TMEM184B: variants seen among roughly 807,000 people sequenced by gnomAD.
TMEM184B encodes putative MAPK-activating protein FM08.
Under a neutral mutation model 41.8 loss-of-function variants are expected in TMEM184B, and 17 were observed. That is an observed-to-expected ratio of 0.41 (90% CI 0.28 to 0.61). The LOEUF is 0.61. Among genes scored for constraint, TMEM184B ranks in the 20% least tolerant of loss-of-function variants. The pLI is 0.34. For synonymous variants in TMEM184B, 240 were observed against 229.5 expected, an observed-to-expected ratio of 1.05 and a Z score of -0.41; for missense variants, 393 against 557.8, an observed-to-expected ratio of 0.70 and a Z score of 2.98.
In TMEM184B at chr22:38,224,810, A is replaced by G; in HGVS notation, c.957T>C (p.Tyr319=). The stretch of plus-strand genomic sequence containing the variant: ...CTTGTGCGTCCAGCCTCTTGTCAGC[A>G]TAGACCTTGTAGGTGAAGGCGTGCC... ...ALRHAFTYKV[Y]ADKRLDAQGR... Residue 319 remains tyrosine, a synonymous_variant, in exon 8 of 9, where the codon TAT becomes TAC. Transcript: ENST00000361906. The G allele has an allele frequency of 1.2e-6, 2 of 1,611,944 alleles. No homozygotes were observed. Among genetic ancestry groups the G allele is most frequent in the South Asian group, 1.1e-5 (1 of 90,984 alleles).
At chr22:38,230,553 C>T in intron 5 of TMEM184B, 116 bp downstream of exon 5, 1 of 1,038,418 alleles carries the variant, frequency 9.6e-7, no homozygotes, top group Non-Finnish European at 1.4e-6. Flanking sequence ...TGCTGGGGGC[C>T]TGGGGTGCCT....
In TMEM184B at chr22:38,225,440, A is replaced by G. The variant is rs1281830600; in HGVS notation, c.771T>C (p.Phe257=). 2.5e-6 allele frequency: 4 copies of G among 1,573,654 alleles called. No individual in the cohort carries two copies. The highest frequency in any genetic ancestry group is 3.4e-6 in the Non-Finnish European group (4 of 1,162,654). Residue 257 remains phenylalanine, a synonymous_variant, in exon 7 of 9, where the codon TTT becomes TTC. Coordinates refer to ENST00000361906, the MANE Select transcript of TMEM184B (RefSeq NM_012264.5). This position sits in a 1 kb window ranked among gnomAD's most constrained non-coding sequence, Gnocchi z 4.4. ...GGGGCTCACCTTGCCAGAAGGAAAG[A>G]AAGATGACGGACTTGACCATGAAGA... The part of the protein sequence containing the change: ...LKFFMVKSVI[F]LSFWQGMLLA...
intron 1 of TMEM184B, among the ~76,000 whole-genome samples, chr22:38,249,091 T>TC (rs1180654928): frequency 6.6e-6 from 1 of 152,152 alleles, no homozygotes; most frequent in Admixed American, 6.5e-5. Context: ...CACATGTTCA[T>TC]CCTCCTGCCT....
Position 38,231,303 on chromosome 22 carries a change from G to A in TMEM184B, c.390C>T (p.Cys130=), listed in dbSNP as rs529522664. The A allele has an allele frequency of 5.6e-6, 9 of 1,614,154 alleles. 1 individual carries two copies. In the South Asian group the frequency reaches 8.8e-5, roughly 16 times the overall value. The change falls in exon 4 of 9, where the codon TGC becomes TGT. Residue 130 remains cysteine, a synonymous_variant. Coordinates refer to ENST00000361906, the MANE Select transcript of TMEM184B (RefSeq NM_012264.5). ...AACTTTCTCCTCCTAGGTACTCATA[G>A]CACAGGCTCAGGAAATTATAGATGA... The part of the protein sequence containing the change: ...ALVIYNFLSL[C]YEYLGGESSI...
At chr22:38,272,762 G>A (rs903533489) in intron 1 of TMEM184B, 122 bp downstream of exon 1, 3 of 985,118 alleles carry the variant, frequency 3.0e-6, no homozygotes, top group African/African-American at 1.7e-5. Flanking sequence ...CTCCCCGCCC[G>A]GGAGCCGGCG....
chr22:38,261,125 G>A (rs1028625104), intron 1 of TMEM184B, among the ~76,000 whole-genome samples: 3 of 152,150 alleles, frequency 2.0e-5, no homozygotes, highest in East Asian at 3.8e-4. Context: ...AATGACAGCC[G>A]GCCCTCCTGC....
chr22:38,248,057 G>A (rs1224299383), intron 1 of TMEM184B, 38 bp from the exon 2 acceptor site: 3 of 1,467,842 alleles, frequency 2.0e-6, no homozygotes, highest in Non-Finnish European at 2.7e-6. Flanking sequence ...CTCCTCCCAG[G>A]GCAAGTGGCA....
Position 38,225,117 on chromosome 22 carries a change from G to T in TMEM184B, c.788-138C>A. On this transcript the variant is annotated intron_variant, in intron 7 of 8. Coordinates refer to ENST00000361906, the MANE Select transcript of TMEM184B (RefSeq NM_012264.5). This position sits in a 1 kb window ranked among gnomAD's most constrained non-coding sequence, Gnocchi z 4.4. ...CCACAGCTGCTCCTGCAGGGCAGGG[G>T]TAGCGACACAAGGCCACAGCCTCCG... The T allele has an allele frequency of 9.3e-7, 1 of 1,075,752 alleles. No homozygotes were observed. The highest frequency in any genetic ancestry group is 1.7e-5 in the South Asian group (1 of 58,920). The allele number at this position is 1,075,752 out of a possible 1,614,324, so 66.6% of individuals were successfully genotyped here.
intron 1 of TMEM184B, among the ~76,000 whole-genome samples, chr22:38,252,003 C>G (rs1436518350): frequency 6.6e-6 from 1 of 151,836 alleles, no homozygotes; most frequent in Non-Finnish European, 1.5e-5. Flanking sequence ...CCGAGTGATC[C>G]TCCCACCTCA....
At chr22:38,235,192 C>A (rs576784339) in intron 3 of TMEM184B, among the ~76,000 whole-genome samples, 46 of 152,274 alleles carry the variant, frequency 3.0e-4, no homozygotes, top group Non-Finnish European at 6.0e-4. Flanking sequence ...AGGGGACACC[C>A]CACTCTCATT....
In TMEM184B at chr22:38,243,295, C is replaced by T. The variant is rs989199303; in HGVS notation, c.358+2640G>A. Reference sequence around the variant, plus strand: ...GGGGTGCCCGCCAGCCATCTGCTGCCGCCTCTGGGGCACGGAGTGAGAGTG... The same window carrying T: ...GGGGTGCCCGCCAGCCATCTGCTGCTGCCTCTGGGGCACGGAGTGAGAGTG... On this transcript the variant is annotated intron_variant, in intron 3 of 8. Transcript: ENST00000361906. 5.3e-5 allele frequency among the ~76,000 whole-genome samples: 8 copies of T among 152,180 alleles called. No homozygotes were observed. The East Asian group carries it at 5.8e-4, about 11-fold the overall frequency.
intron 1 of TMEM184B, among the ~76,000 whole-genome samples, chr22:38,258,300 ATTTT>A (rs752882414): frequency 7.1e-6 from 1 of 141,262 alleles, no homozygotes; most frequent in African/African-American, 2.6e-5. Flanking sequence ...ATTTTTCCAA[ATTTT>A]TTTTTTTTTT....
At chr22:38,256,905 C>G (rs369333444) in intron 1 of TMEM184B, among the ~76,000 whole-genome samples, 1 of 151,984 alleles carries the variant, frequency 6.6e-6, no homozygotes, top group Non-Finnish European at 1.5e-5. Flanking sequence ...ATGCCCTTCA[C>G]CCAGCTTCCT....
chr22:38,251,240 C>CATAAACAA (rs2092156429), intron 1 of TMEM184B, among the ~76,000 whole-genome samples: 1 of 152,228 alleles, frequency 6.6e-6, no homozygotes, highest in Non-Finnish European at 1.5e-5. Context: ...TTATTTTACT[C>CATAAACAA]TTGGGCAACC....
chr22:38,247,389 G>A (rs1320546532), intron 2 of TMEM184B, among the ~76,000 whole-genome samples: 7 of 152,222 alleles, frequency 4.6e-5, no homozygotes, highest in Admixed American at 1.3e-4. Context: ...TCAGATGGGC[G>A]AGGCTTGAAG....
At chr22:38,222,621 C>A in intron 8 of TMEM184B, 1 of 985,440 alleles carries the variant, frequency 1.0e-6, no homozygotes, top group Non-Finnish European at 1.2e-6. Flanking sequence ...GACAGACATG[C>A]AGACCAAGAG....
In TMEM184B at chr22:38,246,101, C is replaced by T. The variant is rs765597792; in HGVS notation, c.193-1G>A. ...TGTAGCAGCGCAGGTGCATGTAGAT[C>T]TGGGGGCAGAGGTGTGGGGTCAGCT... On this transcript the variant is annotated splice_acceptor_variant, in intron 2 of 8. Transcript: ENST00000361906. LOFTEE classifies it high-confidence loss of function. The T allele has an allele frequency of 6.2e-7, 1 of 1,609,038 alleles. No homozygotes were observed. The highest frequency in any genetic ancestry group is 8.5e-7 in the Non-Finnish European group (1 of 1,179,864).
At chr22:38,242,924 T>C (rs1299726536) in intron 3 of TMEM184B, among the ~76,000 whole-genome samples, 1 of 151,542 alleles carries the variant, frequency 6.6e-6, no homozygotes, top group Non-Finnish European at 1.5e-5. Context: ...TAGCTGGGCG[T>C]GGTAGCACAC....
intron 3 of TMEM184B, among the ~76,000 whole-genome samples, chr22:38,242,591 T>G (rs2413510): frequency 6.6e-6 from 1 of 152,130 alleles, no homozygotes; most frequent in Non-Finnish European, 1.5e-5. Context: ...CACTCCCTCC[T>G]GGGCCCTCCT....
Sources: allele counts gnomAD v4.1 joint callset (sites outside exome capture counted in the v4.1 genomes callset), GRCh38; gene constraint gnomAD v4.1.1; non-coding constraint Gnocchi (gnomAD v3.1); transcripts MANE v1.5; gene names NCBI Gene and HGNC (gene_info 2026-07-23, HGNC 2026-07-21).